GYG1: variants seen among roughly 807,000 people sequenced by gnomAD.
The protein encoded by GYG1 is glycogenin-1.
Under a neutral mutation model 41.9 loss-of-function variants are expected in GYG1, and 44 were observed. That is an observed-to-expected ratio of 1.05 (90% CI 0.83 to 1.35). The LOEUF (loss-of-function observed/expected upper bound fraction) is 1.35, where lower values mean the gene tolerates loss of function less well. GYG1 is among the 40% of genes most tolerant of loss of function. The pLI, the probability that GYG1 is intolerant of heterozygous loss-of-function variation, is 0.00. For synonymous variants in GYG1, 141 were observed against 158.1 expected, an observed-to-expected ratio of 0.89 and a Z score of 0.81; for missense variants, 429 against 418.9, an observed-to-expected ratio of 1.02 and a Z score of -0.21.
intron 5 of GYG1, among the ~76,000 whole-genome samples, chr3:149,014,867 C>CAAA (rs113311454): frequency 7.2e-5 from 8 of 111,020 alleles, no homozygotes; most frequent in Non-Finnish European, 9.7e-5. Flanking sequence ...GACTCTGTCT[C>CAAA]AAAAAAAAAA....
intron 5 of GYG1, among the ~76,000 whole-genome samples, chr3:149,009,908 C>T (rs890203085): frequency 2.8e-4 from 43 of 152,206 alleles, no homozygotes; most frequent in African/African-American, 9.2e-4. Flanking sequence ...ACTTCACATC[C>T]TGCAGTGACC....
chr3:149,007,669 C>T (rs1353403255), intron 4 of GYG1, among the ~76,000 whole-genome samples: 2 of 152,164 alleles, frequency 1.3e-5, no homozygotes, highest in Non-Finnish European at 2.9e-5. Flanking sequence ...TAACGACAGC[C>T]GACTGGACTT....
intron 4 of GYG1, among the ~76,000 whole-genome samples, chr3:149,002,936 A>G (rs925250499): frequency 6.6e-6 from 1 of 151,914 alleles, no homozygotes; most frequent in East Asian, 1.9e-4. Context: ...TGGGAGAATC[A>G]CTTGAACCCT....
chr3:149,026,614 CTT>C (rs1334281701), intron 7 of GYG1, 112 bp downstream of exon 7: 2 of 1,015,450 alleles, frequency 2.0e-6, no homozygotes, highest in South Asian at 2.6e-5. Context: ...ATTTTTGTGT[CTT>C]TTTTGTTTGT....
At position 149,031,735 on chromosome 3, in the gene GYG1, A is replaced by T. The variant is rs1231252267; in HGVS notation, c.*4802A>T. 6.6e-6 allele frequency: 1 copy of T among 152,214 alleles called. No individual in the cohort carries two copies. Among genetic ancestry groups the T allele is most frequent in the African/African-American group, 2.4e-5 (1 of 41,466 alleles). The allele number at this position is 152,214 out of a possible 1,614,324, so 9.4% of individuals were successfully genotyped here. A position where few individuals can be genotyped will look rare whatever the true frequency, so the allele number is the denominator to read the frequency against. On this transcript the variant is annotated 3_prime_UTR_variant, in exon 8 of 8. Coordinates refer to ENST00000345003, the MANE Select transcript of GYG1 (RefSeq NM_004130.4). Reference sequence around the variant, plus strand: ...ATTTAAGATTTGGTTCTGGAATGCAAATATGGTTTTTGAAAGCCCAATAAA... The same window carrying T: ...ATTTAAGATTTGGTTCTGGAATGCATATATGGTTTTTGAAAGCCCAATAAA...
intron 4 of GYG1, chr3:149,001,379 C>G: frequency 6.6e-6 from 1 of 152,166 alleles, no homozygotes; most frequent in Non-Finnish European, 1.5e-5. Context: ...AATTAATGAG[C>G]ACACGTAAGT....
At chr3:149,024,637 T>C (rs1482145367) in intron 6 of GYG1, among the ~76,000 whole-genome samples, 1 of 152,258 alleles carries the variant, frequency 6.6e-6, no homozygotes, top group Admixed American at 6.5e-5. Flanking sequence ...CATTTAGATG[T>C]ATCTACTTTA....
intron 5 of GYG1, among the ~76,000 whole-genome samples, chr3:149,016,262 AAAAAAAAAAAAAAAC>A (rs1449032324): frequency 1.4e-5 from 2 of 145,584 alleles, no homozygotes; most frequent in Non-Finnish European, 3.0e-5. Context: ...CTCCGTCTCA[AAAAAAAAAAAAAAAC>A]AAAAAAGAAA....
intron 5 of GYG1, among the ~76,000 whole-genome samples, chr3:149,021,451 G>A (rs949157024): frequency 8.5e-5 from 13 of 152,138 alleles, no homozygotes; most frequent in South Asian, 2.1e-4. Flanking sequence ...GAAACAAACC[G>A]TGGAATGATC....
chr3:149,009,329 A>G lies in GYG1; in HGVS notation c.535A>G (p.Ile179Val). Residue 179 changes from isoleucine (I) to valine (V), a missense_variant, in exon 5 of 8, where the codon ATC becomes GTC. Coordinates refer to ENST00000345003, the MANE Select transcript of GYG1 (RefSeq NM_004130.4). ...TFFSSWATTDIRKHLPFIYNL... is the reference protein window; with the variant it reads ...TFFSSWATTDVRKHLPFIYNL... ...TTTTAGCAGCTGGGCAACAACAGAT[A>G]TCAGAAAACACCTGCCGTTTATTTA... The G allele has an allele frequency of 2.5e-6, 4 of 1,613,036 alleles. No homozygotes were observed. The highest frequency in any genetic ancestry group is 3.4e-6 in the Non-Finnish European group (4 of 1,178,972).
At chr3:149,017,034 T>C (rs1714089731) in intron 5 of GYG1, among the ~76,000 whole-genome samples, 1 of 152,208 alleles carries the variant, frequency 6.6e-6, no homozygotes, top group South Asian at 2.1e-4. Flanking sequence ...AAGAGCTTAG[T>C]GAGGACTAAA....
rs1325499678 is a variant in GYG1 at position 149,014,804 on chromosome 3, G to T, written c.608+5402G>T. On this transcript the variant is annotated intron_variant, in intron 5 of 7. Transcript: ENST00000345003. ...AATGGCTTGAACCAGGGAGGCAGAG[G>T]TTGGAGTGAGCTGAGATTGCACCAC... is the stretch of plus-strand genomic sequence containing the variant. Among the ~76,000 whole-genome samples, 5 of 151,314 alleles carry T rather than the reference G, an allele frequency of 3.3e-5. No individual in the cohort carries two copies. The East Asian group carries it at 9.7e-4, about 29-fold the overall frequency.
In GYG1 at chr3:148,994,271, C is replaced by G. The variant is rs142784073; in HGVS notation, c.137C>G (p.Ser46Cys). The change falls in exon 2 of 8, where the codon TCC (serine) becomes TGC (cysteine). Residue 46 changes from serine to cysteine, a missense_variant. Transcript: ENST00000345003. ...CTCGCCACCCCTCAGGTCTCAGACTCCATGAGGTGAGGACCTCGCTGCCAC... is the reference window on the plus strand; with the variant it reads ...CTCGCCACCCCTCAGGTCTCAGACTGCATGAGGTGAGGACCTCGCTGCCAC... ...VVLATPQVSD[S>C]MRKVLETVFD... is the part of the protein sequence containing the mutation. 6.1e-4 allele frequency: 991 copies of G among 1,614,020 alleles called. 16 individuals carry two copies. The South Asian group carries it at 0.01, about 17-fold the overall frequency.
chr3:149,026,588 A>T, intron 7 of GYG1, 86 bp downstream of exon 7: 1 of 1,048,476 alleles, frequency 9.5e-7, no homozygotes, highest in Non-Finnish European at 1.5e-6. Context: ...TGTTAGGAAA[A>T]AATCATATAA....
chr3:149,007,833 C>T (rs16861275), intron 4 of GYG1, among the ~76,000 whole-genome samples: 3,063 of 152,294 alleles, frequency 0.02, 109 homozygotes, highest in African/African-American at 0.07. Context: ...CATGCACACA[C>T]ATCGTGAACT....
At chr3:149,019,999 C>T (rs548232515) in intron 5 of GYG1, among the ~76,000 whole-genome samples, 2 of 152,320 alleles carry the variant, frequency 1.3e-5, no homozygotes, top group African/African-American at 4.8e-5. Context: ...TTGTGCCCTT[C>T]CTCTGCATGA....
In GYG1 at chr3:148,994,159, C is replaced by T. The variant is rs111907916; in HGVS notation, c.25C>T (p.Leu9=). The T allele has an allele frequency of 2.5e-6, 4 of 1,613,238 alleles. 1 individual carries two copies. The highest frequency in any genetic ancestry group is 1.1e-5 in the South Asian group (1 of 91,058). ...GTATTAAGATCAGGCCTTTGTGACA[C>T]TAACCACAAACGATGCCTACGCCAA... is the stretch of plus-strand genomic sequence containing the variant. MTDQAFVT[L]TTNDAYAKGA... is the part of the protein sequence containing the mutation. The change falls in exon 2 of 8, where the codon CTA becomes TTA. Residue 9 remains leucine, a synonymous_variant. Coordinates refer to ENST00000345003, the MANE Select transcript of GYG1 (RefSeq NM_004130.4).
At chr3:149,020,004 G>A (rs979148595) in intron 5 of GYG1, among the ~76,000 whole-genome samples, 1 of 152,208 alleles carries the variant, frequency 6.6e-6, no homozygotes, top group Admixed American at 6.5e-5. Context: ...CCCTTCCTCT[G>A]CATGAGCTCT....
intron 5 of GYG1, among the ~76,000 whole-genome samples, chr3:149,010,439 G>T (rs1490364864): frequency 1.3e-5 from 2 of 150,176 alleles, no homozygotes; most frequent in Non-Finnish European, 2.9e-5. Flanking sequence ...TGATTCTCCT[G>T]CCTCAGCCTC....
Sources: allele counts gnomAD v4.1 joint callset (sites outside exome capture counted in the v4.1 genomes callset), GRCh38; gene constraint gnomAD v4.1.1; transcripts MANE v1.5; gene names NCBI Gene and HGNC (gene_info 2026-07-23, HGNC 2026-07-21).